HTR7: variants seen among roughly 807,000 people sequenced by gnomAD.
The protein encoded by HTR7 is 5-HT-7.
Under a neutral mutation model 34.0 loss-of-function variants are expected in HTR7, and 16 were observed. The ratio of observed to expected loss-of-function variants is 0.47; its 90% CI spans 0.32 to 0.71. The LOEUF is 0.71. Ranked by LOEUF, HTR7 falls within the 30% of genes least tolerant of loss-of-function variation. HTR7 has a pLI of 0.04. For synonymous variants in HTR7, 265 were observed against 260.2 expected (o/e 1.02, Z -0.18); for missense variants, 504 against 625.5 (o/e 0.81, Z 2.07).
chr10:90,808,498 C>T (rs1004942378), intron 1 of HTR7, among the ~76,000 whole-genome samples: 4 of 152,062 alleles, frequency 2.6e-5, no homozygotes, highest in Middle Eastern at 3.4e-3. Context: ...GTCCATGCCC[C>T]GACCTCTTAT....
intron 1 of HTR7, among the ~76,000 whole-genome samples, chr10:90,796,900 T>G (rs964750730): frequency 9.2e-5 from 14 of 151,854 alleles, no homozygotes; most frequent in Middle Eastern, 3.4e-3. Flanking sequence ...TAGTCCCAGT[T>G]ACTCGGGAGG....
rs145973943 is a variant in HTR7 at position 90,808,518 on chromosome 10, C to A, written c.539+48615G>T. 5.2e-3 allele frequency among the ~76,000 whole-genome samples: 791 copies of A among 152,226 alleles called. 9 individuals are homozygous for A. Among genetic ancestry groups the A allele is most frequent in the African/African-American group, 0.017 (714 of 41,536 alleles). On this transcript the variant is annotated intron_variant, in intron 1 of 3. Transcript: ENST00000336152. ...TGCCCCGACCTCTTATATCTCTGTG[C>A]TCCGATCCCTTATTTCCACGCCCCA...
intron 1 of HTR7, among the ~76,000 whole-genome samples, chr10:90,772,982 T>C (rs1407209477): frequency 6.6e-6 from 1 of 152,182 alleles, no homozygotes; most frequent in Non-Finnish European, 1.5e-5. Flanking sequence ...GTTTTCTCAC[T>C]CCAGAGCTTC....
chr10:90,747,616 T>C lies in HTR7; in HGVS notation c.1295+1223A>G, dbSNP rs146698989. On this transcript the variant is annotated intron_variant, in intron 2 of 3. Coordinates refer to ENST00000336152, the MANE Select transcript of HTR7 (RefSeq NM_019859.4). Reference sequence around the variant, plus strand: ...CAGATGATGTGGAATCTAGACTTAGTTGTGACACTAGCTAAGTGTGAGACA... The same window carrying C: ...CAGATGATGTGGAATCTAGACTTAGCTGTGACACTAGCTAAGTGTGAGACA... 4.6e-5 allele frequency among the ~76,000 whole-genome samples: 7 copies of C among 152,272 alleles called. No homozygotes were observed. In the East Asian group the frequency reaches 1.4e-3, roughly 29 times the overall value.
At chr10:90,828,855 C>T (rs568134810) in intron 1 of HTR7, among the ~76,000 whole-genome samples, 130 of 151,572 alleles carry the variant, frequency 8.6e-4, no homozygotes, top group Middle Eastern at 3.4e-3. Context: ...GATGCCAACA[C>T]CAGATGAAAA....
intron 1 of HTR7, among the ~76,000 whole-genome samples, chr10:90,830,226 T>G (rs1255740424): frequency 6.6e-6 from 1 of 152,234 alleles, no homozygotes; most frequent in South Asian, 2.1e-4. Context: ...AAGAAGATCC[T>G]GATTCACTGC....
At chr10:90,793,052 T>A (rs921629062) in intron 1 of HTR7, among the ~76,000 whole-genome samples, 1 of 151,906 alleles carries the variant, frequency 6.6e-6, no homozygotes, top group African/African-American at 2.4e-5. Flanking sequence ...TTAACAAATG[T>A]GAAGAAACAG....
intron 1 of HTR7, among the ~76,000 whole-genome samples, chr10:90,840,959 A>G (rs562553773): frequency 1.3e-5 from 2 of 152,308 alleles, no homozygotes; most frequent in South Asian, 4.1e-4. Context: ...CCTTATCCCC[A>G]GCATTAAGTA....
intron 1 of HTR7, among the ~76,000 whole-genome samples, chr10:90,822,356 C>T (rs1224762124): frequency 6.6e-6 from 1 of 152,188 alleles, no homozygotes; most frequent in African/African-American, 2.4e-5. Context: ...TTGTGCCTAC[C>T]CCTGCCCTAG....
chr10:90,819,211 A>G (rs1845941344), intron 1 of HTR7, among the ~76,000 whole-genome samples: 1 of 152,258 alleles, frequency 6.6e-6, no homozygotes. Context: ...GTGTTGATAG[A>G]TACAAAACTC....
rs934890099 is a variant in HTR7 at position 90,857,063 on chromosome 10, G to C, written c.539+70C>G. On this transcript the variant is annotated intron_variant, in intron 1 of 3. Coordinates refer to ENST00000336152, the MANE Select transcript of HTR7 (RefSeq NM_019859.4). This position sits in a 1 kb window ranked among gnomAD's most constrained non-coding sequence, Gnocchi z 6.5. ...GTCTAGCTTGATCCTCCCAGGAAAG[G>C]CGAGCGCGCGGGGCTGAGCTGCCAG... 8.6e-6 allele frequency: 12 copies of C among 1,390,190 alleles called. No homozygotes were observed. The highest frequency in any genetic ancestry group is 1.1e-5 in the Non-Finnish European group (11 of 1,037,452). 86.1% of individuals were successfully genotyped at this position (1,390,190 alleles called of 1,614,324 possible).
At chr10:90,783,283 T>G (rs549810055) in intron 1 of HTR7, among the ~76,000 whole-genome samples, 1 of 152,312 alleles carries the variant, frequency 6.6e-6, no homozygotes, top group African/African-American at 2.4e-5. Flanking sequence ...GTGCCCAAGT[T>G]GAAAAGGCAA....
chr10:90,791,575 A>G (rs995422217), intron 1 of HTR7, among the ~76,000 whole-genome samples: 1 of 152,076 alleles, frequency 6.6e-6, no homozygotes, highest in Non-Finnish European at 1.5e-5. Flanking sequence ...GGGGAAGAGG[A>G]GCGGGCAATG....
intron 1 of HTR7, among the ~76,000 whole-genome samples, chr10:90,801,673 GC>G (rs978862015): frequency 1.3e-5 from 2 of 152,194 alleles, no homozygotes; most frequent in African/African-American, 4.8e-5. Flanking sequence ...ATTTGGCATA[GC>G]CAGTAGGATC....
intron 1 of HTR7, among the ~76,000 whole-genome samples, chr10:90,772,266 C>T (rs1188492452): frequency 6.6e-6 from 1 of 151,912 alleles, no homozygotes; most frequent in African/African-American, 2.4e-5. Flanking sequence ...TCCTCATATC[C>T]TTTTGATGTT....
intron 1 of HTR7, among the ~76,000 whole-genome samples, chr10:90,856,678 T>C (rs1846585349): frequency 6.6e-6 from 1 of 152,080 alleles, no homozygotes; most frequent in Non-Finnish European, 1.5e-5. Flanking sequence ...TCTAGAACCA[T>C]CCAAGGTCCT....
chr10:90,748,911 C>A lies in HTR7; in HGVS notation c.1223G>T (p.Arg408Leu). 6.2e-7 allele frequency: 1 copy of A among 1,614,118 alleles called. No homozygotes were observed. Among genetic ancestry groups the A allele is most frequent in the Non-Finnish European group, 8.5e-7 (1 of 1,179,982 alleles). ...ATGCATGCCTGCAGCTGAGAGCTTCCGGTTGATATTCCGGTACTGGCACTG... is the reference window on the plus strand; with the variant it reads ...ATGCATGCCTGCAGCTGAGAGCTTCAGGTTGATATTCCGGTACTGGCACTG... ...LLQCQYRNIN[R>L]KLSAAGMHEA... is the part of the protein sequence containing the mutation. The change falls in exon 2 of 4, where the codon CGG becomes CTG. Residue 408 changes from arginine (R) to leucine (L), a missense_variant. Around this residue, in one of 4 missense-constraint regions of HTR7, gnomAD observed 154 missense variants for 212.1 expected, o/e 0.73. Coordinates refer to ENST00000336152, the MANE Select transcript of HTR7 (RefSeq NM_019859.4).
intron 1 of HTR7, among the ~76,000 whole-genome samples, chr10:90,831,317 G>T (rs1021318541): frequency 7.2e-5 from 11 of 152,098 alleles, no homozygotes; most frequent in Non-Finnish European, 1.5e-5. Flanking sequence ...CCTTCTGGTG[G>T]GTTCATGGTC....
chr10:90,856,177 G>T (rs1236199810), intron 1 of HTR7, among the ~76,000 whole-genome samples: 1 of 152,182 alleles, frequency 6.6e-6, no homozygotes, highest in Non-Finnish European at 1.5e-5. Flanking sequence ...AACACAACAG[G>T]ATACTAGTCT....
Sources: gnomAD v4.1 joint callset for allele counts (sites outside exome capture counted in the v4.1 genomes callset) on GRCh38, gnomAD v4.1.1 for gene constraint, gnomAD v4.1.1 regional missense constraint, Gnocchi (gnomAD v3.1) non-coding constraint, MANE v1.5 for transcripts, NCBI Gene and HGNC (gene_info 2026-07-23, HGNC 2026-07-21) for gene names.